VRK2: variants seen among roughly 807,000 people sequenced by gnomAD.
VRK2 encodes the protein serine/threonine-protein kinase VRK2.
Under a neutral mutation model 57.6 loss-of-function variants are expected in VRK2, and 60 were observed. That is an observed-to-expected ratio of 1.04 (90% CI 0.85 to 1.29). VRK2 has a LOEUF of 1.29. Among genes scored for constraint, VRK2 ranks in the 50% most tolerant of loss-of-function variants. The pLI is 0.00. For synonymous variants in VRK2, 231 were observed against 199.2 expected (o/e 1.16, Z -1.35); for missense variants, 705 against 588.1 (o/e 1.20, Z -2.06).
At chr2:58,064,477 A>G (rs1265549209) in intron 2 of VRK2, among the ~76,000 whole-genome samples, 1 of 152,178 alleles carries the variant, frequency 6.6e-6, no homozygotes, top group East Asian at 1.9e-4. Flanking sequence ...TAGCAATAAA[A>G]TATTTTTAAA....
intron 1 of VRK2, among the ~76,000 whole-genome samples, chr2:57,940,105 T>C (rs1274921250): frequency 6.6e-6 from 1 of 152,100 alleles, no homozygotes; most frequent in East Asian, 1.9e-4. Flanking sequence ...AGTTTAGATA[T>C]AGTACAGAGA....
chr2:58,099,778 G>A (rs926458342), intron 7 of VRK2, among the ~76,000 whole-genome samples: 5 of 152,056 alleles, frequency 3.3e-5, no homozygotes, highest in Non-Finnish European at 7.4e-5. Context: ...CAAGAGACTA[G>A]GTTCTAGTTT....
chr2:58,084,557 T>C (rs1175947127), intron 3 of VRK2, among the ~76,000 whole-genome samples: 2 of 151,924 alleles, frequency 1.3e-5, no homozygotes, highest in Admixed American at 1.3e-4. Context: ...CCTGGATGTA[T>C]ATGTTGGTAT....
At chr2:58,060,230 A>T (rs547033043) in intron 2 of VRK2, among the ~76,000 whole-genome samples, 4 of 152,052 alleles carry the variant, frequency 2.6e-5, no homozygotes, top group Admixed American at 2.6e-4. Flanking sequence ...TGAAAAGAGG[A>T]AGAAAAAATT....
intron 7 of VRK2, among the ~76,000 whole-genome samples, chr2:58,113,822 G>A (rs1028146304): frequency 2.0e-5 from 3 of 152,210 alleles, no homozygotes; most frequent in Admixed American, 1.3e-4. Flanking sequence ...GCAACTCACA[G>A]GGGATGCGAC....
chr2:57,959,386 C>CT (rs1272148913), intron 1 of VRK2, among the ~76,000 whole-genome samples: 2 of 152,046 alleles, frequency 1.3e-5, no homozygotes, highest in Admixed American at 6.6e-5. Context: ...CTTTTTTTCT[C>CT]TTTTTTTCCT....
Position 58,131,840 on chromosome 2 carries a change from G to T in VRK2, c.709G>T (p.Gly237Cys). ...CAGACGAAGTGACGTTGAGATCCTC[G>T]GCTACTGCATGCTGCGGTGGTTGTG... ...LSRRSDVEIL[G>C]YCMLRWLCGK... The change falls in exon 9 of 13, where the codon GGC (glycine) becomes TGC (cysteine). Residue 237 changes from glycine to cysteine, a missense_variant. Gly to Cys is a radical substitution (Grantham distance 159). Transcript: ENST00000340157. The T allele has an allele frequency of 6.2e-7, 1 of 1,613,542 alleles. No individual in the cohort carries two copies. Among genetic ancestry groups the T allele is most frequent in the Non-Finnish European group, 8.5e-7 (1 of 1,179,804 alleles).
intron 1 of VRK2, among the ~76,000 whole-genome samples, chr2:57,912,248 C>G (rs983969836): frequency 6.6e-6 from 1 of 152,168 alleles, no homozygotes; most frequent in African/African-American, 2.4e-5. Context: ...TATAGATCTA[C>G]AAGTGAACAA....
intron 1 of VRK2, among the ~76,000 whole-genome samples, chr2:57,991,687 G>A (rs915467628): frequency 1.1e-4 from 16 of 151,832 alleles, no homozygotes; most frequent in Admixed American, 7.2e-4. Context: ...GGTAGCTCAC[G>A]CCTGTAATCC....
intron 7 of VRK2, among the ~76,000 whole-genome samples, chr2:58,090,741 C>T (rs1672262726): frequency 6.6e-6 from 1 of 152,172 alleles, no homozygotes; most frequent in Non-Finnish European, 1.5e-5. Flanking sequence ...CTTACATCCA[C>T]ACAAAAACCT....
intron 10 of VRK2, among the ~76,000 whole-genome samples, chr2:58,136,760 CAT>C (rs888136670): frequency 8.1e-4 from 116 of 143,694 alleles, no homozygotes; most frequent in African/African-American, 3.0e-3. Flanking sequence ...ATGTCATTAA[CAT>C]ATATATATAT....
intron 9 of VRK2, among the ~76,000 whole-genome samples, chr2:58,134,715 C>A (rs992700789): frequency 6.6e-6 from 1 of 151,906 alleles, no homozygotes. Flanking sequence ...CAGTCACATT[C>A]CTACACAGCT....
chr2:58,088,385 A>C lies in VRK2; in HGVS notation c.389A>C (p.Lys130Thr), dbSNP rs763027520. 1 of 1,613,462 alleles carries C rather than the reference A, an allele frequency of 6.2e-7. No homozygotes were observed. Among genetic ancestry groups the C allele is most frequent in the East Asian group, 2.2e-5 (1 of 44,818 alleles). Residue 130 changes from lysine to threonine, a missense_variant, in exon 6 of 13, where the codon AAG becomes ACG. Physicochemically the swap from Lys to Thr is moderately conservative, Grantham distance 78. Coordinates refer to ENST00000340157, the MANE Select transcript of VRK2 (RefSeq NM_006296.7). The stretch of plus-strand genomic sequence containing the variant: ...GAAAGACTAGGAATAGATTTACAGA[A>C]GATCTCAGGCCAGAATGGTACCTTT... Reference protein sequence around the residue: ...VMERLGIDLQKISGQNGTFKK... With the variant: ...VMERLGIDLQTISGQNGTFKK...
intron 8 of VRK2, among the ~76,000 whole-genome samples, chr2:58,128,421 TC>T (rs1335384146): frequency 6.6e-6 from 1 of 152,152 alleles, no homozygotes; most frequent in Admixed American, 6.5e-5. Flanking sequence ...AACCTCCACT[TC>T]CTGGGTTCAA....
chr2:57,975,063 TTA>T lies in VRK2; in HGVS notation c.-438-50600_-438-50599del, dbSNP rs1436631011. Among the ~76,000 whole-genome samples, 3 of 152,124 alleles carry T rather than the reference TTA, an allele frequency of 2.0e-5. No individual in the cohort carries two copies. In the South Asian group the frequency reaches 6.2e-4, roughly 32 times the overall value. ...AATTATAGAGATTACATGTTATTTA[TTA>T]TGTTTCATGAATTAGCTATAAAATT... is the stretch of plus-strand genomic sequence containing the variant. On this transcript the variant is annotated intron_variant, in intron 1 of 15. Coordinates refer to the VRK2 transcript ENST00000417641.
At chr2:58,049,465 G>A (rs1349196935) in intron 2 of VRK2, among the ~76,000 whole-genome samples, 4 of 152,256 alleles carry the variant, frequency 2.6e-5, no homozygotes, top group Non-Finnish European at 1.5e-5. Context: ...GGTCCCTAGG[G>A]ATGTGCCATT....
intron 12 of VRK2, among the ~76,000 whole-genome samples, chr2:58,150,731 T>C (rs1346440548): frequency 1.3e-5 from 2 of 151,442 alleles, no homozygotes; most frequent in African/African-American, 4.8e-5. Context: ...AAATCACTAA[T>C]TTTTTCCTTC....
intron 1 of VRK2, among the ~76,000 whole-genome samples, chr2:57,915,680 T>A (rs1052482531): frequency 1.3e-5 from 2 of 152,192 alleles, no homozygotes; most frequent in Non-Finnish European, 2.9e-5. Flanking sequence ...CGATAAGCTG[T>A]ATTTGTCATA....
upstream of VRK2, chr2:58,046,693 G>A: frequency 1.0e-6 from 1 of 985,554 alleles, no homozygotes; most frequent in Non-Finnish European, 1.2e-6. Flanking sequence ...GGCTCCGCGG[G>A]CCGCTGCACT....
Sources: allele counts gnomAD v4.1 joint callset (sites outside exome capture counted in the v4.1 genomes callset), GRCh38; gene constraint gnomAD v4.1.1; transcripts MANE v1.5; gene names NCBI Gene and HGNC (gene_info 2026-07-23, HGNC 2026-07-21).